Variants in FOXP2 observed in about 807,000 individuals in gnomAD.
FOXP2 encodes forkhead box P2, also known as forkhead box protein P2.
In FOXP2, 12 loss-of-function variants were observed where a neutral mutation model predicts 115.8. The observed-to-expected ratio is 0.10, with a 90% CI of 0.07 to 0.17. The LOEUF is 0.17. Among genes scored for constraint, FOXP2 ranks in the 10% least tolerant of loss-of-function variants. The pLI is 1.00. For missense variants in FOXP2, 629 were observed against 843.5 expected, an observed-to-expected ratio of 0.75 and a Z score of 3.15; for synonymous variants, 328 against 297.7, an observed-to-expected ratio of 1.10 and a Z score of -1.05.
intron 1 of FOXP2, among the ~76,000 whole-genome samples, chr7:114,187,324 C>T (rs1352521857): frequency 2.6e-5 from 4 of 152,122 alleles, no homozygotes; most frequent in Admixed American, 6.5e-5. Flanking sequence ...TTAGATAATT[C>T]TTCAGCCAGA....
At chr7:114,545,971 C>T (rs530074820) in intron 3 of FOXP2, among the ~76,000 whole-genome samples, 5 of 152,154 alleles carry the variant, frequency 3.3e-5, no homozygotes, top group South Asian at 2.1e-4. Context: ...TGTATCACAC[C>T]GAATCATAAT....
At chr7:114,338,917 A>G (rs1040721311) in intron 2 of FOXP2, among the ~76,000 whole-genome samples, 1 of 151,210 alleles carries the variant, frequency 6.6e-6, no homozygotes, top group Non-Finnish European at 1.5e-5. Context: ...ATAGCTTTCC[A>G]TGCTCTGGAG....
chr7:114,339,974 G>A (rs1791160489), intron 2 of FOXP2, among the ~76,000 whole-genome samples: 1 of 151,124 alleles, frequency 6.6e-6, no homozygotes, highest in African/African-American at 2.4e-5. Flanking sequence ...TGCTCAGCAA[G>A]TTGTTTGGCA....
chr7:114,415,221 A>G lies in FOXP2; in HGVS notation c.-150A>G, dbSNP rs1430126949. On this transcript the variant is annotated 5_prime_UTR_variant, in exon 1 of 17. Coordinates refer to ENST00000350908, the MANE Select transcript of FOXP2 (RefSeq NM_014491.4). ...ATAGTTGTCTGATGGTGGCTTTGAC[A>G]GTGAGCTAGCTTCTGAGTTTTCCCT... The G allele has an allele frequency of 8.8e-6, 4 of 453,966 alleles. No homozygotes were observed. In the East Asian group the frequency reaches 2.8e-4, roughly 32 times the overall value. The allele number at this position is 453,966 out of a possible 1,614,324, so 28.1% of individuals were successfully genotyped here. A position where few individuals can be genotyped will look rare whatever the true frequency, so the allele number is the denominator to read the frequency against.
intron 2 of FOXP2, 109 bp downstream of exon 2, chr7:114,426,788 C>A: frequency 1.7e-6 from 2 of 1,158,928 alleles, no homozygotes; most frequent in South Asian, 1.3e-5. Flanking sequence ...CTAAAAGATG[C>A]TGAGAATTTA....
At chr7:114,643,932 G>C (rs909717163) in intron 7 of FOXP2, among the ~76,000 whole-genome samples, 1 of 152,132 alleles carries the variant, frequency 6.6e-6, no homozygotes, top group Admixed American at 6.5e-5. Flanking sequence ...TTTAATTATA[G>C]TACAGTTTAA....
chr7:114,102,876 A>G (rs535925337), intron 1 of FOXP2, among the ~76,000 whole-genome samples: 1 of 152,194 alleles, frequency 6.6e-6, no homozygotes, highest in South Asian at 2.1e-4. Context: ...CTCTTCCTTG[A>G]AATAGTTCTT....
chr7:114,606,619 A>T (rs1460757442), intron 3 of FOXP2, among the ~76,000 whole-genome samples: 1 of 152,180 alleles, frequency 6.6e-6, no homozygotes, highest in Admixed American at 6.5e-5. Flanking sequence ...GCATAATGTC[A>T]GAAACAGCAA....
Position 114,421,620 on chromosome 7 carries a change from A to G in FOXP2, c.-10-4882A>G, listed in dbSNP as rs150280656. ...ATTTTAATTTACTTAAAATTATGTC[A>G]CTTGGTATAGTAAAAATATCACTTG... On this transcript the variant is annotated intron_variant, in intron 1 of 16. Coordinates refer to ENST00000350908, the MANE Select transcript of FOXP2 (RefSeq NM_014491.4). Among the ~76,000 whole-genome samples the G allele has an allele frequency of 5.8e-3, 887 of 151,764 alleles. 8 individuals carry two copies. Among genetic ancestry groups the G allele is most frequent in the African/African-American group, 0.02 (847 of 41,498 alleles).
chr7:114,483,809 A>G (rs184759940), intron 2 of FOXP2, among the ~76,000 whole-genome samples: 34 of 151,916 alleles, frequency 2.2e-4, no homozygotes, highest in Admixed American at 1.2e-3. Flanking sequence ...ACAATTAATA[A>G]TTATGATTAT....
intron 3 of FOXP2, among the ~76,000 whole-genome samples, chr7:114,572,514 G>T (rs774722238): frequency 2.8e-4 from 42 of 151,776 alleles, no homozygotes; most frequent in Non-Finnish European, 5.2e-4. Context: ...TTTAAAGGAA[G>T]ATAAATTTTA....
At chr7:114,258,792 A>G (rs1478188280) in intron 1 of FOXP2, among the ~76,000 whole-genome samples, 1 of 152,206 alleles carries the variant, frequency 6.6e-6, no homozygotes, top group African/African-American at 2.4e-5. Flanking sequence ...AGACAAGATG[A>G]AGAATGTCTA....
intron 1 of FOXP2, among the ~76,000 whole-genome samples, chr7:114,187,735 C>T (rs1333051893): frequency 6.6e-6 from 1 of 152,152 alleles, no homozygotes; most frequent in Non-Finnish European, 1.5e-5. Context: ...TTGTCTTAGT[C>T]TGTCTTGTGC....
chr7:114,199,676 CA>C (rs1794011185), intron 1 of FOXP2, among the ~76,000 whole-genome samples: 1 of 152,086 alleles, frequency 6.6e-6, no homozygotes, highest in South Asian at 2.1e-4. Context: ...TGAGACCCCA[CA>C]AGGATTTTGG....
intron 1 of FOXP2, among the ~76,000 whole-genome samples, chr7:114,120,598 G>C (rs1791533859): frequency 6.6e-6 from 1 of 151,922 alleles, no homozygotes. Context: ...ATATAAAAGA[G>C]GTGACAATGA....
At chr7:114,119,287 C>T (rs553720967) in intron 1 of FOXP2, among the ~76,000 whole-genome samples, 250 of 152,184 alleles carry the variant, frequency 1.6e-3, no homozygotes, top group African/African-American at 5.7e-3. Flanking sequence ...ACAAAACGGG[C>T]AGCTGGAATT....
chr7:114,111,651 T>C (rs547411562), intron 1 of FOXP2, among the ~76,000 whole-genome samples: 1 of 152,264 alleles, frequency 6.6e-6, no homozygotes, highest in East Asian at 1.9e-4. Context: ...ACACTGTTTC[T>C]GGTTACAGAT....
intron 3 of FOXP2, among the ~76,000 whole-genome samples, chr7:114,541,220 A>G (rs1799645359): frequency 1.3e-5 from 2 of 152,210 alleles, no homozygotes; most frequent in African/African-American, 4.8e-5. Context: ...GGTCAAGACT[A>G]AAGAGAAACA....
At chr7:114,400,012 G>C (rs1449908282) in intron 2 of FOXP2, among the ~76,000 whole-genome samples, 1 of 151,492 alleles carries the variant, frequency 6.6e-6, no homozygotes, top group African/African-American at 2.4e-5. Context: ...GCCTGGTACC[G>C]CACCTGGCTA....
Sources: gnomAD v4.1 joint callset for allele counts (sites outside exome capture counted in the v4.1 genomes callset) on GRCh38, gnomAD v4.1.1 for gene constraint, MANE v1.5 for transcripts, NCBI Gene and HGNC (gene_info 2026-07-23, HGNC 2026-07-21) for gene names.